Variants in ITGAL observed in about 807,000 individuals in gnomAD.
ITGAL encodes integrin alpha-L.
A neutral mutation model predicts 138.4 loss-of-function variants in ITGAL; 68 were observed. The ratio of observed to expected loss-of-function variants is 0.49; its 90% CI spans 0.40 to 0.60. The LOEUF is 0.60. Ranked by LOEUF, ITGAL falls within the 20% of genes least tolerant of loss-of-function variation. The probability of loss-of-function intolerance (pLI) is 0.00; values close to 1 mark genes in which losing one functional copy is unlikely to be tolerated. For synonymous variants in ITGAL, 561 were observed against 584.3 expected, an observed-to-expected ratio of 0.96 and a Z score of 0.57; for missense variants, 1,256 against 1,478.6, an observed-to-expected ratio of 0.85 and a Z score of 2.47.
rs551573379 is a variant in ITGAL, at chr16:30,517,715, T to C, written c.3033+10T>C. ...CCCGGATGCAGCTGAGGTATGGGCG[T>C]GTGAGCTGAGAGACGGTGGGGCTGG... On this transcript the variant is annotated intron_variant, in intron 27 of 30. Transcript: ENST00000356798. 6.2e-6 allele frequency: 10 copies of C among 1,613,864 alleles called. No individual in the cohort carries two copies. The South Asian group carries it at 9.9e-5, about 16-fold the overall frequency.
intron 25 of ITGAL, among the ~76,000 whole-genome samples, chr16:30,516,315 C>A (rs2051165421): frequency 6.6e-6 from 1 of 151,654 alleles, no homozygotes; most frequent in Admixed American, 6.6e-5. Flanking sequence ...CTGCAACCTT[C>A]ACCTCCTGGG....
chr16:30,487,604 G>T (rs946669125), intron 9 of ITGAL, among the ~76,000 whole-genome samples: 2 of 151,114 alleles, frequency 1.3e-5, no homozygotes, highest in African/African-American at 4.9e-5. Flanking sequence ...TAGAGACGGG[G>T]TTTCACCATA....
chr16:30,483,699 C>A (rs531646253), intron 7 of ITGAL, 128 bp from the exon 8 acceptor site: 2 of 1,024,470 alleles, frequency 2.0e-6, no homozygotes, highest in African/African-American at 1.6e-5. Context: ...GGCTTGGAAT[C>A]CCGGCCTGGG....
chr16:30,518,588 T>C lies in ITGAL; in HGVS notation c.3133-36T>C, dbSNP rs746457924. 10 of 1,459,146 alleles carry C rather than the reference T, an allele frequency of 6.9e-6. 1 individual carries two copies. The African/African-American group carries it at 9.8e-5, about 14-fold the overall frequency. 90.4% of individuals were successfully genotyped at this position (1,459,146 alleles called of 1,614,324 possible). A position where few individuals can be genotyped will look rare whatever the true frequency, so the allele number is the denominator to read the frequency against. ...AAAAGCCAGTGGGTTCTGTCCTCGT[T>C]CTCCCGGGTTCTGACGCCTTTCCCC... On this transcript the variant is annotated intron_variant, in intron 28 of 30. Coordinates refer to ENST00000356798, the MANE Select transcript of ITGAL (RefSeq NM_002209.3).
chr16:30,479,729 C>T (rs1186781688), intron 6 of ITGAL, among the ~76,000 whole-genome samples: 2 of 135,494 alleles, frequency 1.5e-5, no homozygotes, highest in South Asian at 2.4e-4. Context: ...GGCACAATCT[C>T]GACTCACTGC....
chr16:30,474,154 G>A lies in ITGAL; in HGVS notation c.62-42G>A, dbSNP rs1301945865. ...CCACCTGCTGGGCACGTGCAGGGGC[G>A]GGGGTCCCTCGGTCGCAGCTGACGA... On this transcript the variant is annotated intron_variant, in intron 1 of 30. Coordinates refer to ENST00000356798, the MANE Select transcript of ITGAL (RefSeq NM_002209.3). 2.8e-6 allele frequency: 4 copies of A among 1,439,522 alleles called. No individual in the cohort carries two copies. In the African/African-American group the frequency reaches 4.2e-5, roughly 15 times the overall value. 89.2% of individuals were successfully genotyped at this position (1,439,522 alleles called of 1,614,324 possible).
intron 7 of ITGAL, among the ~76,000 whole-genome samples, chr16:30,482,054 G>A (rs1266898419): frequency 6.6e-6 from 1 of 151,702 alleles, no homozygotes; most frequent in East Asian, 1.9e-4. Flanking sequence ...ACCACGCCTG[G>A]CTAATTTTTT....
intron 21 of ITGAL, chr16:30,509,288 TC>T (rs1266643455): frequency 6.6e-6 from 1 of 152,082 alleles, no homozygotes; most frequent in Non-Finnish European, 1.5e-5. Flanking sequence ...CTTGGGAAAG[TC>T]CCTTAGCCTC....
chr16:30,504,634 A>G (rs2050955948), intron 18 of ITGAL, among the ~76,000 whole-genome samples: 1 of 151,390 alleles, frequency 6.6e-6, no homozygotes, highest in Non-Finnish European at 1.5e-5. Flanking sequence ...CAGAGGGTTG[A>G]GGCTGCAGTG....
intron 17 of ITGAL, among the ~76,000 whole-genome samples, chr16:30,502,816 ACT>A (rs779593614): frequency 0.022 from 3,250 of 149,370 alleles, 59 homozygotes; most frequent in Non-Finnish European, 0.033. Flanking sequence ...TTTGTTTTAA[ACT>A]TTTTTTTTTT....
At position 30,506,822 on chromosome 16, in the gene ITGAL, C is replaced by G; in HGVS notation, c.2474C>G (p.Pro825Arg). The stretch of plus-strand genomic sequence containing the variant: ...GTCCAGCTGGACCTGCACTTCCCCC[C>G]GGGACTCTCCTTCCGCAAGGTGGAG... Reference protein sequence around the residue: ...YWVQLDLHFPPGLSFRKVEML... With the variant: ...YWVQLDLHFPRGLSFRKVEML... Residue 825 changes from proline (P) to arginine (R), a missense_variant, in exon 21 of 31, where the codon CCG becomes CGG. Transcript: ENST00000356798. The G allele has an allele frequency of 1.2e-6, 2 of 1,613,928 alleles. No individual in the cohort carries two copies. The highest frequency in any genetic ancestry group is 1.3e-5 in the African/African-American group (1 of 75,030).
rs2050994027 is a variant in ITGAL, at chr16:30,506,268, A to AAAT, written c.2367-445_2367-444insTAA. 4.1e-5 allele frequency among the ~76,000 whole-genome samples: 6 copies of AAAT among 147,222 alleles called. No individual in the cohort carries two copies. The South Asian group carries it at 1.1e-3, about 26-fold the overall frequency. On this transcript the variant is annotated intron_variant, in intron 20 of 30. Coordinates refer to ENST00000356798, the MANE Select transcript of ITGAL (RefSeq NM_002209.3). ...GAGTGAGATTCTGTCTCAATAAAAA[A>AAAT]AAAAAAAAAAGCCGGGGGCGGTGGC... is the stretch of plus-strand genomic sequence containing the variant.
At chr16:30,475,838 C>A (rs2050463559) in intron 4 of ITGAL, among the ~76,000 whole-genome samples, 1 of 146,370 alleles carries the variant, frequency 6.8e-6, no homozygotes, top group African/African-American at 2.6e-5. Flanking sequence ...GTAGCCTCAA[C>A]CTCCCTGCAC....
At chr16:30,519,405 A>G (rs2051217966) in intron 29 of ITGAL, among the ~76,000 whole-genome samples, 1 of 152,008 alleles carries the variant, frequency 6.6e-6, no homozygotes, top group African/African-American at 2.4e-5. Context: ...AATCAATCTG[A>G]TGGCAGCTTA....
Position 30,513,948 on chromosome 16 carries a change from C to T in ITGAL, c.2862+102C>T. On this transcript the variant is annotated intron_variant, in intron 25 of 30. Coordinates refer to ENST00000356798, the MANE Select transcript of ITGAL (RefSeq NM_002209.3). ...AAGTAGACACAGTACTCATCCTAGC[C>T]ATCCAACTGTTCAATAATCCTTTCT... The T allele has an allele frequency of 4.7e-6, 4 of 853,982 alleles. No homozygotes were observed. The South Asian group carries it at 5.7e-5, about 12-fold the overall frequency. 52.9% of individuals were successfully genotyped at this position (853,982 alleles called of 1,614,324 possible).
intron 6 of ITGAL, 61 bp from the exon 7 acceptor site, chr16:30,481,378 T>C: frequency 8.0e-7 from 1 of 1,249,504 alleles, no homozygotes; most frequent in South Asian, 1.4e-5. Context: ...GAAGTAGAGT[T>C]TGGAACAGAC....
At chr16:30,488,808 T>C (rs1318921740) in intron 9 of ITGAL, 2 of 438,704 alleles carry the variant, frequency 4.6e-6, no homozygotes, top group African/African-American at 4.0e-5. Context: ...GCTTGGGTGG[T>C]TGAGGCTGCA....
chr16:30,505,278 C>T lies in ITGAL; in HGVS notation c.2270C>T (p.Ser757Phe), dbSNP rs1297821795. The change falls in exon 19 of 31, where the codon TCC (serine) becomes TTC (phenylalanine). Residue 757 changes from serine to phenylalanine, a missense_variant. By Grantham distance (155) the Ser-to-Phe change is radical. Transcript: ENST00000356798. Reference protein sequence around the residue: ...GKDIPPILRPSLHSETWEIPF... With the variant: ...GKDIPPILRPFLHSETWEIPF... ...GACATACCGCCCATCCTGAGACCCTCCCTGCACTCGGAAACCTGGGAGGTA... is the reference window on the plus strand; with the variant it reads ...GACATACCGCCCATCCTGAGACCCTTCCTGCACTCGGAAACCTGGGAGGTA... The T allele has an allele frequency of 1.2e-6, 2 of 1,612,406 alleles. No homozygotes were observed. Among genetic ancestry groups the T allele is most frequent in the African/African-American group, 1.3e-5 (1 of 75,010 alleles).
In ITGAL at chr16:30,518,624, G is replaced by T. The variant is rs1316935287; in HGVS notation, c.3133G>T (p.Ala1045Ser). Residue 1045 changes from alanine (A) to serine (S), a missense_variant and splice_region_variant, in exon 29 of 31, where the codon GCC (alanine) becomes TCC (serine). This residue lies in a region of ITGAL where 867 missense variants were observed against 972.5 expected (regional missense o/e 0.89). Coordinates refer to ENST00000356798, the MANE Select transcript of ITGAL (RefSeq NM_002209.3). Reference protein sequence around the residue: ...GTLELVGEIEASSMFSLCSSL... With the variant: ...GTLELVGEIESSSMFSLCSSL... Reference sequence around the variant, plus strand: ...CTGACGCCTTTCCCCGCTCCCACAGGCCTCTTCCATGTTCAGCCTCTGCAG... The same window carrying T: ...CTGACGCCTTTCCCCGCTCCCACAGTCCTCTTCCATGTTCAGCCTCTGCAG... 2 of 1,611,868 alleles carry T rather than the reference G, an allele frequency of 1.2e-6. No individual in the cohort carries two copies. The highest frequency in any genetic ancestry group is 1.1e-5 in the South Asian group (1 of 91,042).
Sources: gnomAD v4.1 joint callset for allele counts (sites outside exome capture counted in the v4.1 genomes callset) on GRCh38, gnomAD v4.1.1 for gene constraint, gnomAD v4.1.1 regional missense constraint, MANE v1.5 for transcripts, NCBI Gene and HGNC (gene_info 2026-07-23, HGNC 2026-07-21) for gene names.